The following TRAM2 variants were observed in gnomAD, a reference collection of about 807,000 sequenced individuals.
The protein encoded by TRAM2 is translocation associated membrane protein 2.
A neutral mutation model predicts 51.0 loss-of-function variants in TRAM2; 12 were observed. That is an observed-to-expected ratio of 0.24 (90% CI 0.15 to 0.38). The LOEUF (loss-of-function observed/expected upper bound fraction) is 0.38. TRAM2 is among the 10% of genes least tolerant of loss of function. The probability of loss-of-function intolerance (pLI) is 1.00; values close to 1 mark genes in which losing one functional copy is unlikely to be tolerated. For missense variants in TRAM2, 361 were observed against 462.0 expected, an observed-to-expected ratio of 0.78 and a Z score of 2.00; for synonymous variants, 175 against 179.4, an observed-to-expected ratio of 0.98 and a Z score of 0.20.
At chr6:52,534,495 A>G (rs1228836553) in intron 2 of TRAM2, among the ~76,000 whole-genome samples, 2 of 152,160 alleles carry the variant, frequency 1.3e-5, no homozygotes, top group Non-Finnish European at 2.9e-5. Context: ...GCCACTGAGA[A>G]AGGAGCGATA....
At chr6:52,531,091 C>T (rs1345095654) in intron 2 of TRAM2, among the ~76,000 whole-genome samples, 1 of 115,912 alleles carries the variant, frequency 8.6e-6, no homozygotes, top group African/African-American at 3.4e-5. Context: ...AGGAAGAAAC[C>T]TTAGAAGTCA....
At chr6:52,570,797 C>A (rs1285438669) in intron 1 of TRAM2, among the ~76,000 whole-genome samples, 1 of 112,932 alleles carries the variant, frequency 8.9e-6, no homozygotes, top group Non-Finnish European at 1.9e-5. Flanking sequence ...TGCCCACCAC[C>A]CCCCCCCCCA....
intron 3 of TRAM2, 109 bp downstream of exon 3, chr6:52,516,519 C>G (rs1006883585): frequency 1.1e-6 from 1 of 913,024 alleles, no homozygotes; most frequent in African/African-American, 1.6e-5. Context: ...CCAGTGCAAG[C>G]AAGTTGGAGG....
chr6:52,554,167 C>T (rs539722856), intron 1 of TRAM2, among the ~76,000 whole-genome samples: 3 of 152,280 alleles, frequency 2.0e-5, no homozygotes, highest in South Asian at 2.1e-4. Context: ...CTGTCCCCAC[C>T]GCCTGTTTGC....
intron 1 of TRAM2, among the ~76,000 whole-genome samples, chr6:52,566,207 G>C (rs1275594504): frequency 6.6e-6 from 1 of 152,176 alleles, no homozygotes; most frequent in African/African-American, 2.4e-5. Flanking sequence ...AGGGTTATAA[G>C]AAGGTCTAGA....
At chr6:52,574,904 G>C (rs980061110) in intron 1 of TRAM2, among the ~76,000 whole-genome samples, 1 of 152,144 alleles carries the variant, frequency 6.6e-6, no homozygotes, top group African/African-American at 2.4e-5. Context: ...ATATGACGGA[G>C]AGAGCCACAG....
At chr6:52,506,163 A>G in intron 7 of TRAM2, 27 bp from the exon 8 acceptor site, 2 of 1,600,160 alleles carry the variant, frequency 1.2e-6, no homozygotes, top group Middle Eastern at 1.7e-4. Flanking sequence ...CTAGACTTAC[A>G]TTCCCTCCAA....
chr6:52,559,761 A>C (rs1041160424), intron 1 of TRAM2, among the ~76,000 whole-genome samples: 2 of 152,190 alleles, frequency 1.3e-5, no homozygotes, highest in African/African-American at 4.8e-5. Context: ...CCCCATTTTT[A>C]AACTATGTTC....
intron 4 of TRAM2, among the ~76,000 whole-genome samples, chr6:52,513,966 T>C (rs1766496540): frequency 6.6e-6 from 1 of 152,210 alleles, no homozygotes; most frequent in Non-Finnish European, 1.5e-5. Flanking sequence ...CTTGGCACTA[T>C]GGCCAGATAG....
intron 1 of TRAM2, among the ~76,000 whole-genome samples, chr6:52,555,622 CAT>C (rs1767392144): frequency 6.6e-6 from 1 of 152,140 alleles, no homozygotes; most frequent in African/African-American, 2.4e-5. Context: ...AAACCATAAC[CAT>C]ATGTTTTGGA....
In TRAM2 at chr6:52,502,711, G is replaced by A. The variant is rs1766256793; in HGVS notation, c.*486C>T. On this transcript the variant is annotated 3_prime_UTR_variant, in exon 11 of 11. Transcript: ENST00000182527. ...CTCTCTTCTTGCCCATCCACATGAGGACCACCAAGGGCCTACCAGCCCCAG... is the reference window on the plus strand; with the variant it reads ...CTCTCTTCTTGCCCATCCACATGAGAACCACCAAGGGCCTACCAGCCCCAG... 6.1e-6 allele frequency: 1 copy of A among 164,756 alleles called. No individual in the cohort carries two copies. The highest frequency in any genetic ancestry group is 5.8e-5 in the Admixed American group (1 of 17,122). The allele number at this position is 164,756 out of a possible 1,614,324, so 10.2% of individuals were successfully genotyped here. A position where few individuals can be genotyped will look rare whatever the true frequency, so the allele number is the denominator to read the frequency against.
chr6:52,513,067 G>A (rs1350672112), intron 4 of TRAM2, among the ~76,000 whole-genome samples: 1 of 152,126 alleles, frequency 6.6e-6, no homozygotes, highest in Admixed American at 6.5e-5. Flanking sequence ...TCAACAATGA[G>A]TAGTCGATCA....
In TRAM2 at chr6:52,499,258, T is replaced by G. The variant is rs1004358471; in HGVS notation, c.*3939A>C. ...GGAACCATAAGCTCGGAAGGCAGAGTGAGGGAGGAAGAGCACTCCATTGTC... is the reference window on the plus strand; with the variant it reads ...GGAACCATAAGCTCGGAAGGCAGAGGGAGGGAGGAAGAGCACTCCATTGTC... On this transcript the variant is annotated 3_prime_UTR_variant, in exon 11 of 11. Transcript: ENST00000182527. The G allele has an allele frequency of 6.6e-6, 1 of 151,978 alleles. No individual in the cohort carries two copies. The highest frequency in any genetic ancestry group is 2.4e-5 in the African/African-American group (1 of 41,336). 9.4% of individuals were successfully genotyped at this position (151,978 alleles called of 1,614,324 possible).
intron 1 of TRAM2, among the ~76,000 whole-genome samples, chr6:52,540,009 G>A (rs1767049287): frequency 1.3e-5 from 2 of 151,650 alleles, no homozygotes; most frequent in South Asian, 4.2e-4. Context: ...CCATAATCAT[G>A]ACAAAAATAC....
At chr6:52,552,641 G>A (rs1767329939) in intron 1 of TRAM2, among the ~76,000 whole-genome samples, 1 of 152,166 alleles carries the variant, frequency 6.6e-6, no homozygotes, top group South Asian at 2.1e-4. Flanking sequence ...TTCACTTCCA[G>A]GCTCCCAGTG....
At position 52,516,677 on chromosome 6, in the gene TRAM2, A is replaced by T; in HGVS notation, c.245T>A (p.Ile82Asn). 2 of 1,614,180 alleles carry T rather than the reference A, an allele frequency of 1.2e-6. No homozygotes were observed. Among genetic ancestry groups the T allele is most frequent in the Non-Finnish European group, 1.7e-6 (2 of 1,180,026 alleles). Residue 82 changes from isoleucine to asparagine, a missense_variant, in exon 3 of 11, where the codon ATC becomes AAC. Physicochemically the swap from Ile to Asn is moderately radical, Grantham distance 149. Transcript: ENST00000182527. ...PKDLVTILFY[I>N]FITIILHAVV... ...AGCATGCAAGATGATGGTGATGAAG[A>T]TGTAGAACAAGATTGTGACCAGGTC... is the stretch of plus-strand genomic sequence containing the variant.
chr6:52,525,124 C>G lies in TRAM2; in HGVS notation c.185-8387G>C, dbSNP rs537742729. 3 of 152,356 alleles carry G rather than the reference C, an allele frequency of 2.0e-5. No individual in the cohort carries two copies. The South Asian group carries it at 6.2e-4, about 32-fold the overall frequency. 9.4% of individuals were successfully genotyped at this position (152,356 alleles called of 1,614,324 possible). ...GCATAGAGGTGAGCAGTCGCTGTGC[C>G]CCCAGGACCTGCAGCTAGGCAGCAG... is the stretch of plus-strand genomic sequence containing the variant. On this transcript the variant is annotated intron_variant, in intron 2 of 10. Transcript: ENST00000182527.
At chr6:52,522,200 CG>C (rs1766689919) in intron 2 of TRAM2, among the ~76,000 whole-genome samples, 1 of 152,212 alleles carries the variant, frequency 6.6e-6, no homozygotes, top group African/African-American at 2.4e-5. Context: ...AATAAATACA[CG>C]TTAAAACTGA....
chr6:52,556,207 G>A (rs956569649), intron 1 of TRAM2, among the ~76,000 whole-genome samples: 1 of 151,918 alleles, frequency 6.6e-6, no homozygotes, highest in East Asian at 1.9e-4. Context: ...GCTCAGGCAC[G>A]CAGGGAGAAG....
Sources: gnomAD v4.1 joint callset for allele counts (sites outside exome capture counted in the v4.1 genomes callset) on GRCh38, gnomAD v4.1.1 for gene constraint, MANE v1.5 for transcripts, NCBI Gene and HGNC (gene_info 2026-07-23, HGNC 2026-07-21) for gene names.